The following F8 variants were observed in gnomAD, a reference collection of about 807,000 sequenced individuals.
F8 encodes antihemophilic factor.
F8 carries 12 observed loss-of-function variants against 140.6 expected under a neutral mutation model. The ratio of observed to expected loss-of-function variants is 0.09; its 90% CI spans 0.05 to 0.14. The LOEUF (loss-of-function observed/expected upper bound fraction) is 0.14, where lower values mean the gene tolerates loss of function less well. Ranked by LOEUF, F8 falls within the 10% of genes least tolerant of loss-of-function variation. The pLI, the probability that F8 is intolerant of heterozygous loss-of-function variation, is 1.00. For synonymous variants in F8, 585 were observed against 614.6 expected, an observed-to-expected ratio of 0.95 and a Z score of 0.71; for missense variants, 1,354 against 1,720.7, an observed-to-expected ratio of 0.79 and a Z score of 3.77.
At chrX:154,969,724 G>T (rs1557282411) in intron 6 of F8, among the ~76,000 whole-genome samples, 172 bp from the exon 7 acceptor site, 1 of 112,160 alleles carries the variant, frequency 8.9e-6, no homozygotes, top group Non-Finnish European at 1.9e-5. Context: ...TCTTGCCAAG[G>T]TCACCAATCA....
intron 15 of F8, among the ~76,000 whole-genome samples, chrX:154,906,081 G>T (rs1374579591): frequency 9.0e-6 from 1 of 111,493 alleles, no homozygotes; most frequent in Non-Finnish European, 1.9e-5. Flanking sequence ...CTGTCTAAAA[G>T]CTTGTTCAAA....
chrX:154,966,041 G>A lies in F8; in HGVS notation c.1372C>T (p.Arg458Cys). 2 of 1,210,441 alleles carry A rather than the reference G, an allele frequency of 1.7e-6. No homozygotes were observed. Among genetic ancestry groups the A allele is most frequent in the Non-Finnish European group, 2.2e-6 (2 of 894,635 alleles). The change falls in exon 9 of 26, where the codon CGT becomes TGT. Residue 458 changes from arginine to cysteine, a missense_variant. Arg to Cys is a radical substitution (Grantham distance 180, BLOSUM62 -3). Coordinates refer to ENST00000360256, the MANE Select transcript of F8 (RefSeq NM_000132.4). The stretch of plus-strand genomic sequence containing the variant: ...CCTGATTCATGCTGAATAGCTTCAC[G>A]AGTCTTAAAGGTTTCATCTGTGTAT... ...MAYTDETFKTREAIQHESGIL... is the reference protein window; with the variant it reads ...MAYTDETFKTCEAIQHESGIL...
chrX:154,929,995 T>C lies in F8; in HGVS notation c.3795A>G (p.Pro1265=). 1.7e-6 allele frequency: 2 copies of C among 1,210,312 alleles called. No homozygotes were observed. Among genetic ancestry groups the C allele is most frequent in the Non-Finnish European group, 1.1e-6 (1 of 894,155 alleles). ...TTAATGACCTAAAATCTTGAAGTAC[T>C]GGAGCATATGCCCCGTCATATGAAC... ...VEGSYDGAYA[P]VLQDFRSLND... Residue 1265 remains proline (P), a synonymous_variant, in exon 14 of 26, where the codon CCA becomes CCG. Coordinates refer to ENST00000360256, the MANE Select transcript of F8 (RefSeq NM_000132.4).
chrX:154,964,603 G>GTTGTGTC (rs1557281842), intron 9 of F8, among the ~76,000 whole-genome samples: 14 of 111,939 alleles, frequency 1.3e-4, no homozygotes, highest in Non-Finnish European at 2.4e-4. Context: ...ATGAAAAAAG[G>GTTGTGTC]ATTGGTTGTG....
intron 6 of F8, among the ~76,000 whole-genome samples, chrX:154,982,132 T>C (rs1310397117): frequency 9.3e-6 from 1 of 107,281 alleles, no homozygotes; most frequent in East Asian, 2.9e-4. Context: ...TGCAGTGAGC[T>C]CAGATTGTGC....
chrX:154,924,269 G>A (rs1201494411), intron 14 of F8, among the ~76,000 whole-genome samples: 1 of 112,113 alleles, frequency 8.9e-6, no homozygotes, highest in Non-Finnish European at 1.9e-5. Flanking sequence ...GTAACAGGCA[G>A]AGGTTGGAAC....
intron 1 of F8, among the ~76,000 whole-genome samples, chrX:155,008,475 G>A (rs1446104305): frequency 2.7e-5 from 3 of 111,677 alleles, no homozygotes; most frequent in African/African-American, 6.5e-5. Context: ...AATGGCAGGG[G>A]CTGGGGGTGC....
chrX:154,875,772 T>TAGA (rs2072807157), intron 22 of F8, among the ~76,000 whole-genome samples: 1 of 102,943 alleles, frequency 9.7e-6, no homozygotes, highest in African/African-American at 3.8e-5. Flanking sequence ...TGTGTGTGTG[T>TAGA]GTAGAGAGAG....
At chrX:155,002,372 G>A (rs180694823) in intron 1 of F8, among the ~76,000 whole-genome samples, 1 of 112,030 alleles carries the variant, frequency 8.9e-6, no homozygotes, top group Admixed American at 9.4e-5. Flanking sequence ...TTCTAGGTAT[G>A]TCTGTGATGA....
chrX:154,996,981 G>A lies in F8; in HGVS notation c.380C>T (p.Ala127Val). 2 of 1,211,155 alleles carry A rather than the reference G, an allele frequency of 1.7e-6. No homozygotes were observed. Among genetic ancestry groups the A allele is most frequent in the Non-Finnish European group, 2.2e-6 (2 of 895,000 alleles). ...GAGGGTATTTTACTCACCCTCAGAAGCTTTCCAGTAGGATACACCAACAGC... is the reference window on the plus strand; with the variant it reads ...GAGGGTATTTTACTCACCCTCAGAAACTTTCCAGTAGGATACACCAACAGC... ...LHAVGVSYWKASEGAEYDDQT... is the reference protein window; with the variant it reads ...LHAVGVSYWKVSEGAEYDDQT... Residue 127 changes from alanine to valine, a missense_variant, in exon 3 of 26, where the codon GCT becomes GTT. Transcript: ENST00000360256.
chrX:154,968,076 A>G (rs1476279772), intron 7 of F8, among the ~76,000 whole-genome samples: 1 of 112,036 alleles, frequency 8.9e-6, no homozygotes, highest in African/African-American at 3.2e-5. Flanking sequence ...TTTTTCTCCA[A>G]TAACTCTTGC....
rs1482811381 is a variant in F8 at position 155,004,075 on chromosome X, A to G, written c.144-4475T>C. ...AAAATCAAAGACAAAAAATGTTGTA[A>G]GAAACCAGATGGGGAAAAACACTTT... On this transcript the variant is annotated intron_variant, in intron 1 of 25. Coordinates refer to ENST00000360256, the MANE Select transcript of F8 (RefSeq NM_000132.4). Among the ~76,000 whole-genome samples, 3 of 111,090 alleles carry G rather than the reference A, an allele frequency of 2.7e-5. No homozygotes were observed. The Admixed American group carries it at 2.9e-4, about 11-fold the overall frequency.
chrX:154,927,014 G>C (rs2073164763), intron 14 of F8, among the ~76,000 whole-genome samples: 1 of 111,573 alleles, frequency 9.0e-6, no homozygotes, highest in Admixed American at 9.5e-5. Flanking sequence ...AGTAAGTTTA[G>C]TAGAAAAGTG....
At chrX:154,901,484 A>C (rs1557275930) in intron 19 of F8, 42 bp from the exon 20 acceptor site, 1 of 875,712 alleles carries the variant, frequency 1.1e-6, no homozygotes, top group Admixed American at 2.2e-5. Context: ...GAAGTGCACA[A>C]AATTCAGCTT....
intron 1 of F8, among the ~76,000 whole-genome samples, chrX:155,006,322 C>T (rs1557286069): frequency 1.4e-5 from 1 of 69,103 alleles, no homozygotes. Flanking sequence ...TCATGAAGCA[C>T]GCGGTCACCC....
chrX:154,966,136 T>G lies in F8; in HGVS notation c.1277A>C (p.Tyr426Ser). 1 of 1,208,421 alleles carries G rather than the reference T, an allele frequency of 8.3e-7. No individual in the cohort carries two copies. The highest frequency in any genetic ancestry group is 1.1e-6 in the Non-Finnish European group (1 of 894,028). Reference sequence around the variant, plus strand: ...GCCATTGTTCAAATATTGACTTTTATAACTTCTGTATAAGAGAAAAAAAGA... The same window carrying G: ...GCCATTGTTCAAATATTGACTTTTAGAACTTCTGTATAAGAGAAAAAAAGA... ...PLVLAPDDRS[Y>S]KSQYLNNGPQ... The change falls in exon 9 of 26, where the codon TAT (tyrosine) becomes TCT (serine). Residue 426 changes from tyrosine (Y) to serine (S), a missense_variant. Transcript: ENST00000360256.
At chrX:154,954,193 G>A in intron 11 of F8, 151 bp from the exon 12 acceptor site, 1 of 582,102 alleles carries the variant, frequency 1.7e-6, no homozygotes, top group Non-Finnish European at 2.8e-6. Context: ...ACCAGGGCTT[G>A]GGAGTTGAGG....
At position 154,837,489 on chromosome X, in the gene F8, T is replaced by C. The variant is rs954942091; in HGVS notation, c.*108A>G. The C allele has an allele frequency of 7.8e-5, 71 of 912,428 alleles. No homozygotes were observed. In the African/African-American group the frequency reaches 9.7e-4, roughly 12 times the overall value. 75.2% of individuals were successfully genotyped at this position (912,428 alleles called of 1,213,427 possible). On this transcript the variant is annotated 3_prime_UTR_variant, in exon 26 of 26. Transcript: ENST00000360256. The stretch of plus-strand genomic sequence containing the variant: ...GTTAATTCAGGAGGCTTCAAGGCAG[T>C]GTCTGCTAGGATTTAGCACAAAGGT...
At position 154,929,918 on chromosome X, in the gene F8, C is replaced by T. The variant is rs1397729734; in HGVS notation, c.3872G>A (p.Gly1291Glu). The T allele has an allele frequency of 1.7e-6, 2 of 1,209,479 alleles. No individual in the cohort carries two copies. The highest frequency in any genetic ancestry group is 2.2e-5 in the Admixed American group (1 of 45,698). ...KKHTAHFSKKGEEENLEGLGN... is the reference protein window; with the variant it reads ...KKHTAHFSKKEEEENLEGLGN... ...CAAGCCTTCCAAGTTTTCTTCCTCCCCTTTTTTTGAGAAATGAGCTGTGTG... is the reference window on the plus strand; with the variant it reads ...CAAGCCTTCCAAGTTTTCTTCCTCCTCTTTTTTTGAGAAATGAGCTGTGTG... The change falls in exon 14 of 26, where the codon GGG (glycine) becomes GAG (glutamate). Residue 1291 changes from glycine (G) to glutamate (E), a missense_variant. By Grantham distance (98) the Gly-to-Glu change is moderately conservative. Coordinates refer to ENST00000360256, the MANE Select transcript of F8 (RefSeq NM_000132.4).
Sources: gnomAD v4.1 joint callset for allele counts (sites outside exome capture counted in the v4.1 genomes callset) on GRCh38, gnomAD v4.1.1 for gene constraint, MANE v1.5 for transcripts, NCBI Gene and HGNC (gene_info 2026-07-23, HGNC 2026-07-21) for gene names.